The following DLGAP4 variants were observed in gnomAD, a reference collection of about 807,000 sequenced individuals.
DLGAP4 encodes DLG associated protein 4.
DLGAP4 carries 18 observed loss-of-function variants against 86.9 expected under a neutral mutation model. That is an observed-to-expected ratio of 0.21 (90% CI 0.14 to 0.31). The LOEUF (loss-of-function observed/expected upper bound fraction) is 0.31, where lower values mean the gene tolerates loss of function less well. Among genes scored for constraint, DLGAP4 ranks in the 10% least tolerant of loss-of-function variants. The pLI, the probability that DLGAP4 is intolerant of heterozygous loss-of-function variation, is 1.00. For synonymous variants in DLGAP4, 548 were observed against 574.3 expected, an observed-to-expected ratio of 0.95 and a Z score of 0.65; for missense variants, 1,085 against 1,362.6, an observed-to-expected ratio of 0.80 and a Z score of 3.21.
chr20:36,421,961 C>T (rs2032840998), intron 2 of DLGAP4, among the ~76,000 whole-genome samples: 1 of 152,044 alleles, frequency 6.6e-6, no homozygotes, highest in African/African-American at 2.4e-5. Context: ...TGTGTTAGAG[C>T]AAGGCGGAGA....
rs2037704528 is a variant in DLGAP4, at chr20:36,525,630, G to A, written c.2605-221G>A. ...CATTAGGGACAGGAGTGCCTTCCTTGCCACAGCCCTTAGACTATCCCCCAA... is the reference window on the plus strand; with the variant it reads ...CATTAGGGACAGGAGTGCCTTCCTTACCACAGCCCTTAGACTATCCCCCAA... On this transcript the variant is annotated intron_variant, in intron 11 of 12. Transcript: ENST00000339266. 12 of 606,480 alleles carry A rather than the reference G, an allele frequency of 2.0e-5. No homozygotes were observed. The East Asian group carries it at 3.3e-4, about 17-fold the overall frequency. 37.6% of individuals were successfully genotyped at this position (606,480 alleles called of 1,614,324 possible). A position where few individuals can be genotyped will look rare whatever the true frequency, so the allele number is the denominator to read the frequency against.
At chr20:36,461,956 A>AC (rs1381657149) in intron 7 of DLGAP4, 1 of 983,284 alleles carries the variant, frequency 1.0e-6, no homozygotes, top group Non-Finnish European at 1.2e-6. Flanking sequence ...TTTCTGGGCG[A>AC]CCCCACTCTT....
rs367578416 is a variant in DLGAP4 at position 36,432,304 on chromosome 20, G to C, written c.587G>C (p.Arg196Pro). The C allele has an allele frequency of 6.2e-7, 1 of 1,613,576 alleles. No individual in the cohort carries two copies. Reference protein sequence around the residue: ...ERAKAGEPKRRSRSNISGWWS... With the variant: ...ERAKAGEPKRPSRSNISGWWS... ...GCCAAGGCTGGGGAGCCCAAACGGC[G>C]CAGCCGCTCCAACATCTCAGGCTGG... Residue 196 changes from arginine (R) to proline (P), a missense_variant, in exon 3 of 13, where the codon CGC becomes CCC. Around this residue, in one of 2 missense-constraint regions of DLGAP4, gnomAD observed 1,082 missense variants for 1,344.1 expected, o/e 0.81. Coordinates refer to ENST00000339266, the MANE Select transcript of DLGAP4 (RefSeq NM_001365621.2). This position sits in a 1 kb window ranked among gnomAD's most constrained non-coding sequence, Gnocchi z 6.5.
intron 2 of DLGAP4, among the ~76,000 whole-genome samples, chr20:36,384,271 C>T (rs2031516609): frequency 6.6e-6 from 1 of 152,040 alleles, no homozygotes; most frequent in Non-Finnish European, 1.5e-5. Context: ...GTGCTGTCCT[C>T]GGTTCTGTCT....
intron 10 of DLGAP4, among the ~76,000 whole-genome samples, chr20:36,501,490 C>CA (rs1033122069): frequency 6.6e-6 from 1 of 152,208 alleles, no homozygotes; most frequent in African/African-American, 2.4e-5. Context: ...TGCCAATTTC[C>CA]AAAAATTCCC....
At chr20:36,499,787 A>C in intron 9 of DLGAP4, 111 bp downstream of exon 9, 4 of 978,498 alleles carry the variant, frequency 4.1e-6, no homozygotes, top group East Asian at 3.9e-5. Context: ...CTAATAACCA[A>C]GCTGGGTTTG....
chr20:36,500,841 G>A lies in DLGAP4; in HGVS notation c.2512+230G>A, dbSNP rs2036114214. 1.3e-5 allele frequency among the ~76,000 whole-genome samples: 2 copies of A among 152,186 alleles called. No individual in the cohort carries two copies. The highest frequency in any genetic ancestry group is 2.4e-5 in the African/African-American group (1 of 41,438). On this transcript the variant is annotated intron_variant, in intron 10 of 12. Transcript: ENST00000339266. The surrounding 1 kb of genome is among the most constrained non-coding windows in gnomAD (Gnocchi z 4.6). ...GTGATAGCTGTTTGTTGTGCAGGCT[G>A]TGAGGCCACCCACACCTGGGTTTGA...
In DLGAP4 at chr20:36,331,654, T is replaced by G. The variant is rs925948627; in HGVS notation, c.-304+25142T>G. ...CTTTGGCCTCTTTTCACTTACCCAC[T>G]CACAGGTGTTTAACAGATGTTTATG... On this transcript the variant is annotated intron_variant, in intron 1 of 12. Coordinates refer to ENST00000339266, the MANE Select transcript of DLGAP4 (RefSeq NM_001365621.2). 2.6e-5 allele frequency among the ~76,000 whole-genome samples: 4 copies of G among 152,198 alleles called. No individual in the cohort carries two copies. The East Asian group carries it at 7.7e-4, about 29-fold the overall frequency.
In DLGAP4 at chr20:36,342,141, G is replaced by A. The variant is rs114063244; in HGVS notation, c.-303-24904G>A. On this transcript the variant is annotated intron_variant, in intron 1 of 12. Coordinates refer to ENST00000339266, the MANE Select transcript of DLGAP4 (RefSeq NM_001365621.2). ...TGGGCTGGGGTCTCCCCAGCGAGGG[G>A]CCAAAGGTCAGAACTTTAGAGCCAG... Among the ~76,000 whole-genome samples the A allele has an allele frequency of 1.9e-3, 284 of 152,270 alleles. 2 individuals carry two copies. The highest frequency in any genetic ancestry group is 6.6e-3 in the African/African-American group (275 of 41,564).
In DLGAP4 at chr20:36,447,014, G is replaced by C. The variant is rs2033610246; in HGVS notation, c.1648+77G>C. 7.9e-6 allele frequency: 12 copies of C among 1,520,126 alleles called. No individual in the cohort carries two copies. The South Asian group carries it at 1.3e-4, about 16-fold the overall frequency. The allele number at this position is 1,520,126 out of a possible 1,614,324, so 94.2% of individuals were successfully genotyped here. On this transcript the variant is annotated intron_variant, in intron 7 of 12. Transcript: ENST00000339266. Reference sequence around the variant, plus strand: ...AGGACCATACCTGGAGGGCCAGCCTGGGAGGATACAGGGAGGAATCTGTCT... The same window carrying C: ...AGGACCATACCTGGAGGGCCAGCCTCGGAGGATACAGGGAGGAATCTGTCT...
chr20:36,388,741 G>A (rs761660128), intron 2 of DLGAP4, among the ~76,000 whole-genome samples: 7 of 152,160 alleles, frequency 4.6e-5, no homozygotes, highest in South Asian at 2.1e-4. Flanking sequence ...TAAATGATTC[G>A]GAGCATAAGG....
chr20:36,307,014 G>T (rs2065009223), intron 1 of DLGAP4, among the ~76,000 whole-genome samples: 5 of 152,062 alleles, frequency 3.3e-5, no homozygotes. Context: ...ATTCAACCCA[G>T]CTGCCTCGGA....
At chr20:36,376,976 G>T (rs2031181017) in intron 2 of DLGAP4, among the ~76,000 whole-genome samples, 1 of 152,162 alleles carries the variant, frequency 6.6e-6, no homozygotes, top group South Asian at 2.1e-4. Flanking sequence ...GCAGAGGTGG[G>T]TGAGAGAGCT....
Position 36,432,365 on chromosome 20 carries a change from C to A in DLGAP4, c.648C>A (p.Gly216=). 1 of 1,613,496 alleles carries A rather than the reference C, an allele frequency of 6.2e-7. No homozygotes were observed. Among genetic ancestry groups the A allele is most frequent in the East Asian group, 2.2e-5 (1 of 44,878 alleles). The change falls in exon 3 of 13, where the codon GGC becomes GGA. Residue 216 remains glycine, a synonymous_variant. Transcript: ENST00000339266. This position sits in a 1 kb window ranked among gnomAD's most constrained non-coding sequence, Gnocchi z 6.5. ...ATGACAACTTGGACGGCGAGGCCGGCGCCTTCCGCAGCAGTGGCCCAGCCT... is the reference window on the plus strand; with the variant it reads ...ATGACAACTTGGACGGCGAGGCCGGAGCCTTCCGCAGCAGTGGCCCAGCCT... The part of the protein sequence containing the change: ...SSDDNLDGEA[G]AFRSSGPASG...
intron 1 of DLGAP4, among the ~76,000 whole-genome samples, chr20:36,344,394 G>C (rs2065415458): frequency 6.6e-6 from 1 of 152,152 alleles, no homozygotes; most frequent in Non-Finnish European, 1.5e-5. Context: ...ATAATAACAA[G>C]TCCACAATGT....
intron 2 of DLGAP4, among the ~76,000 whole-genome samples, chr20:36,427,977 G>A (rs1389690669): frequency 1.3e-5 from 2 of 152,002 alleles, no homozygotes; most frequent in Non-Finnish European, 2.9e-5. Flanking sequence ...AAAAAAACTG[G>A]AAAAATACAA....
At chr20:36,481,555 G>A (rs762666510) in intron 7 of DLGAP4, among the ~76,000 whole-genome samples, 1 of 152,138 alleles carries the variant, frequency 6.6e-6, no homozygotes, top group Non-Finnish European at 1.5e-5. Context: ...ACTCCATATG[G>A]CTGCCACAGT....
At chr20:36,388,580 A>G (rs1318197852) in intron 2 of DLGAP4, among the ~76,000 whole-genome samples, 1 of 152,128 alleles carries the variant, frequency 6.6e-6, no homozygotes, top group Non-Finnish European at 1.5e-5. Flanking sequence ...GCAGCGTGGT[A>G]TGTTTGAACT....
At chr20:36,456,775 G>A (rs2033888997) in intron 7 of DLGAP4, among the ~76,000 whole-genome samples, 1 of 152,188 alleles carries the variant, frequency 6.6e-6, no homozygotes, top group Admixed American at 6.5e-5. Flanking sequence ...AGGACTGGTG[G>A]GCAGGCCTCC....
Sources: gnomAD v4.1 joint callset for allele counts (sites outside exome capture counted in the v4.1 genomes callset) on GRCh38, gnomAD v4.1.1 for gene constraint, gnomAD v4.1.1 regional missense constraint, Gnocchi (gnomAD v3.1) non-coding constraint, MANE v1.5 for transcripts, NCBI Gene and HGNC (gene_info 2026-07-23, HGNC 2026-07-21) for gene names.